Variants in GPM6A observed in about 807,000 individuals in gnomAD.
GPM6A encodes glycoprotein M6A.
GPM6A carries 7 observed loss-of-function variants against 32.1 expected under a neutral mutation model. The observed-to-expected ratio is 0.22, with a 90% CI of 0.12 to 0.41. GPM6A has a LOEUF of 0.41. Ranked by LOEUF, GPM6A falls within the 10% of genes least tolerant of loss-of-function variation. The pLI is 1.00. For synonymous variants in GPM6A, 130 were observed against 123.4 expected (o/e 1.05, Z -0.35); for missense variants, 235 against 347.2 (o/e 0.68, Z 2.57).
At chr4:175,806,476 G>A (rs1424521908) in intron 1 of GPM6A, among the ~76,000 whole-genome samples, 2 of 152,114 alleles carry the variant, frequency 1.3e-5, no homozygotes, top group Non-Finnish European at 2.9e-5. Context: ...ATCTGAACAA[G>A]ATGTTAGAAA....
intron 1 of GPM6A, among the ~76,000 whole-genome samples, chr4:175,990,477 G>A (rs912158429): frequency 6.6e-6 from 1 of 152,084 alleles, no homozygotes; most frequent in Non-Finnish European, 1.5e-5. Context: ...GAAAGCATAA[G>A]TCCTTTAGAA....
rs1438167238 is a variant in GPM6A, at chr4:175,637,624, ATTATATATATATT to A, written c.684+2492_684+2504del. Among the ~76,000 whole-genome samples the A allele has an allele frequency of 4.4e-4, 14 of 31,914 alleles. 1 individual carries two copies. Among genetic ancestry groups the A allele is most frequent in the Admixed American group, 6.3e-4 (1 of 1,598 alleles). The allele number at this position is 31,914 out of a possible 152,430, so 20.9% of individuals were successfully genotyped here. ...GTAAAATATATAATATATAATATAT[ATTATATATATATT>A]ATATATTATATAAAATATAAAATAT... On this transcript the variant is annotated intron_variant, in intron 6 of 6. Transcript: ENST00000393658.
chr4:175,783,142 A>T (rs778925887), intron 1 of GPM6A, among the ~76,000 whole-genome samples: 6 of 151,990 alleles, frequency 3.9e-5, no homozygotes, highest in South Asian at 2.1e-4. Flanking sequence ...AATTTAAAAA[A>T]TTTTTTGCCT....
chr4:175,875,661 T>A lies in GPM6A; in HGVS notation c.-22-63412A>T, dbSNP rs185990751. 8.9e-4 allele frequency among the ~76,000 whole-genome samples: 136 copies of A among 152,284 alleles called. 1 individual carries two copies. The highest frequency in any genetic ancestry group is 3.8e-3 in the Admixed American group (58 of 15,278). ...GTAAAACCACTGAGCATCTCATCCC[T>A]ACAAATACCATCTCATATGCCAACT... On this transcript the variant is annotated intron_variant, in intron 1 of 7. Coordinates refer to the GPM6A transcript ENST00000280187.
chr4:175,683,896 A>T (rs963320306), intron 2 of GPM6A, among the ~76,000 whole-genome samples: 1 of 151,032 alleles, frequency 6.6e-6, no homozygotes, highest in Non-Finnish European at 1.5e-5. Context: ...CAGTGATGTG[A>T]TCTCGGCTCA....
chr4:175,717,138 G>T (rs1266623570), intron 1 of GPM6A, among the ~76,000 whole-genome samples: 1 of 151,960 alleles, frequency 6.6e-6, no homozygotes, highest in African/African-American at 2.4e-5. Context: ...GGCCCACTTG[G>T]CTCACTGCAC....
chr4:175,804,472 T>A (rs528185637), intron 1 of GPM6A, among the ~76,000 whole-genome samples: 1 of 152,302 alleles, frequency 6.6e-6, no homozygotes, highest in East Asian at 1.9e-4. Context: ...CTGTAGAGTT[T>A]GAACCCAATG....
chr4:175,977,012 T>C (rs1740683393), intron 1 of GPM6A, among the ~76,000 whole-genome samples: 2 of 152,188 alleles, frequency 1.3e-5, no homozygotes, highest in Admixed American at 6.5e-5. Flanking sequence ...TCTTTAAAAT[T>C]ATATAAATGT....
At chr4:175,672,712 T>C (rs1200664052) in intron 3 of GPM6A, among the ~76,000 whole-genome samples, 5 of 152,190 alleles carry the variant, frequency 3.3e-5, no homozygotes, top group Non-Finnish European at 7.3e-5. Flanking sequence ...TTTTATCTCT[T>C]TGGGTGTTAC....
chr4:175,861,133 A>G (rs1736561194), intron 1 of GPM6A, among the ~76,000 whole-genome samples: 2 of 152,110 alleles, frequency 1.3e-5, no homozygotes, highest in African/African-American at 2.4e-5. Context: ...ATCCTCTAGC[A>G]TGGTCAAAGG....
At chr4:175,711,977 T>C (rs1156674362) in intron 1 of GPM6A, among the ~76,000 whole-genome samples, 1 of 152,150 alleles carries the variant, frequency 6.6e-6, no homozygotes, top group East Asian at 1.9e-4. Flanking sequence ...TAAAAGCTAT[T>C]ATTAAATGGA....
intron 1 of GPM6A, among the ~76,000 whole-genome samples, chr4:175,853,126 T>C (rs1339396347): frequency 6.6e-6 from 1 of 152,128 alleles, no homozygotes; most frequent in Non-Finnish European, 1.5e-5. Flanking sequence ...GCCTCATTTT[T>C]TCTCCTATTA....
intron 1 of GPM6A, among the ~76,000 whole-genome samples, chr4:175,897,217 T>G (rs1395618631): frequency 6.6e-6 from 1 of 152,062 alleles, no homozygotes; most frequent in East Asian, 1.9e-4. Flanking sequence ...CCAGGGTCAG[T>G]GCAAGTGGCT....
intron 1 of GPM6A, among the ~76,000 whole-genome samples, chr4:175,895,819 C>T (rs1272295287): frequency 6.6e-6 from 1 of 152,060 alleles, no homozygotes; most frequent in Non-Finnish European, 1.5e-5. Context: ...TTTGTAATTA[C>T]CTCAAGTTAA....
At chr4:175,905,949 T>G (rs1398500249) in intron 1 of GPM6A, among the ~76,000 whole-genome samples, 1 of 152,146 alleles carries the variant, frequency 6.6e-6, no homozygotes, top group Non-Finnish European at 1.5e-5. Flanking sequence ...GGACCGCATT[T>G]CCCTGTATCT....
intron 1 of GPM6A, among the ~76,000 whole-genome samples, chr4:175,923,000 T>C: frequency 6.6e-6 from 1 of 152,080 alleles, no homozygotes; most frequent in Non-Finnish European, 1.5e-5. Flanking sequence ...TTATCTGTAC[T>C]GGTAACTAAA....
At chr4:175,782,795 T>C (rs1384673351) in intron 1 of GPM6A, among the ~76,000 whole-genome samples, 1 of 152,036 alleles carries the variant, frequency 6.6e-6, no homozygotes, top group Non-Finnish European at 1.5e-5. Flanking sequence ...GTAGTGAAAA[T>C]AATTATTCTC....
At chr4:175,657,303 C>G (rs770537427) in intron 3 of GPM6A, among the ~76,000 whole-genome samples, 1 of 152,128 alleles carries the variant, frequency 6.6e-6, no homozygotes, top group Non-Finnish European at 1.5e-5. Flanking sequence ...TGAGGGAATG[C>G]AACTTCTAAT....
intron 1 of GPM6A, among the ~76,000 whole-genome samples, chr4:175,843,581 C>T (rs140328356): frequency 1.2e-3 from 189 of 152,182 alleles, no homozygotes; most frequent in Non-Finnish European, 1.7e-3. Flanking sequence ...AGTTTGGGAC[C>T]CAGGCGAGCT....
Sources: gnomAD v4.1 joint callset for allele counts (sites outside exome capture counted in the v4.1 genomes callset) on GRCh38, gnomAD v4.1.1 for gene constraint, MANE v1.5 for transcripts, NCBI Gene and HGNC (gene_info 2026-07-23, HGNC 2026-07-21) for gene names.